The following ATRNL1 variants were observed in gnomAD, a reference collection of about 807,000 sequenced individuals.
The protein encoded by ATRNL1 is attractin like 1.
ATRNL1 carries 95 observed loss-of-function variants against 182.7 expected under a neutral mutation model. The observed-to-expected ratio is 0.52, with a 90% CI of 0.44 to 0.62. The LOEUF (loss-of-function observed/expected upper bound fraction) is 0.62. Ranked by LOEUF, ATRNL1 falls within the 20% of genes least tolerant of loss-of-function variation. The probability of loss-of-function intolerance (pLI) is 0.00; values close to 1 mark genes in which losing one functional copy is unlikely to be tolerated. For missense variants in ATRNL1, 1,471 were observed against 1,679.5 expected (o/e 0.88, Z 2.17); for synonymous variants, 576 against 568.3 (o/e 1.01, Z -0.19).
At chr10:115,710,488 G>A (rs1947031405) in intron 26 of ATRNL1, among the ~76,000 whole-genome samples, 1 of 152,108 alleles carries the variant, frequency 6.6e-6, no homozygotes, top group African/African-American at 2.4e-5. Context: ...TCAAGATAGA[G>A]TAATTATAGG....
At chr10:115,426,186 A>G (rs374155758) in intron 20 of ATRNL1, 64 bp from the exon 21 acceptor site, 1 of 1,355,064 alleles carries the variant, frequency 7.4e-7, no homozygotes, top group Admixed American at 1.8e-5. Context: ...TTTTTGCTTG[A>G]AGAAAAACAT....
intron 21 of ATRNL1, among the ~76,000 whole-genome samples, chr10:115,440,655 A>G (rs1391634285): frequency 6.6e-6 from 1 of 151,836 alleles, no homozygotes; most frequent in East Asian, 1.9e-4. Flanking sequence ...CTTAGCTAAA[A>G]CTGCATATTT....
chr10:115,187,678 T>G (rs1408172194), intron 8 of ATRNL1, among the ~76,000 whole-genome samples: 5 of 149,710 alleles, frequency 3.3e-5, no homozygotes, highest in South Asian at 2.1e-4. Flanking sequence ...TGGTTTTTTT[T>G]TTTTTTTTTT....
At chr10:115,930,372 G>T (rs114867729) in intron 28 of ATRNL1, among the ~76,000 whole-genome samples, 1 of 152,030 alleles carries the variant, frequency 6.6e-6, no homozygotes, top group Non-Finnish European at 1.5e-5. Context: ...GCCTCAGAAC[G>T]TGTCATACAT....
intron 26 of ATRNL1, among the ~76,000 whole-genome samples, chr10:115,598,520 C>T (rs1257929174): frequency 2.0e-5 from 3 of 151,720 alleles, no homozygotes; most frequent in Admixed American, 1.3e-4. Context: ...CACACCACCA[C>T]GCCTGGCTAA....
chr10:115,706,566 A>G (rs1946906190), intron 26 of ATRNL1, among the ~76,000 whole-genome samples: 1 of 151,828 alleles, frequency 6.6e-6, no homozygotes, highest in Non-Finnish European at 1.5e-5. Context: ...AATTTCCCCC[A>G]TGAATTTATT....
chr10:115,665,355 G>A (rs1268888546), intron 26 of ATRNL1, among the ~76,000 whole-genome samples: 1 of 152,092 alleles, frequency 6.6e-6, no homozygotes, highest in Non-Finnish European at 1.5e-5. Flanking sequence ...GCTTAACCCA[G>A]TATAATCCAA....
In ATRNL1 at chr10:115,720,118, C is replaced by T. The variant is rs1947377316; in HGVS notation, c.3796-7130C>T. Among the ~76,000 whole-genome samples the T allele has an allele frequency of 2.0e-5, 3 of 152,126 alleles. No homozygotes were observed. In the South Asian group the frequency reaches 6.2e-4, roughly 32 times the overall value. ...CCTCAGGTGATCTGCCCGCCTTGGC[C>T]TCCCAAAGTGCTGGGATTATAGGTG... On this transcript the variant is annotated intron_variant, in intron 26 of 28. Transcript: ENST00000355044.
At chr10:115,187,771 T>C (rs1418989374) in intron 8 of ATRNL1, among the ~76,000 whole-genome samples, 1 of 149,480 alleles carries the variant, frequency 6.7e-6, no homozygotes, top group Non-Finnish European at 1.5e-5. Flanking sequence ...AACCTCCACT[T>C]CCCGGGTTCA....
chr10:115,404,919 G>T (rs1844746487), intron 20 of ATRNL1, among the ~76,000 whole-genome samples: 2 of 150,612 alleles, frequency 1.3e-5, no homozygotes, highest in African/African-American at 4.9e-5. Context: ...TTCACATAAG[G>T]CATAAAAGTT....
chr10:115,517,056 G>C (rs781837856), intron 24 of ATRNL1, among the ~76,000 whole-genome samples: 11 of 151,932 alleles, frequency 7.2e-5, no homozygotes, highest in Non-Finnish European at 1.0e-4. Context: ...AGCTTGTTTA[G>C]TGACTATTTC....
chr10:115,598,473 C>T (rs1856402632), intron 26 of ATRNL1, among the ~76,000 whole-genome samples: 1 of 151,422 alleles, frequency 6.6e-6, no homozygotes, highest in Non-Finnish European at 1.5e-5. Flanking sequence ...AAGCAATTCT[C>T]CTGCCTCAGC....
At chr10:115,150,327 A>T in intron 5 of ATRNL1, among the ~76,000 whole-genome samples, 1 of 148,522 alleles carries the variant, frequency 6.7e-6, no homozygotes, top group African/African-American at 2.5e-5. Context: ...TTCCACCTCT[A>T]TTTCATTTAG....
chr10:115,156,805 C>T (rs114654129), intron 5 of ATRNL1, among the ~76,000 whole-genome samples: 2,220 of 152,042 alleles, frequency 0.015, 50 homozygotes, highest in African/African-American at 0.05. Context: ...GCATGAGATA[C>T]TAAAGTATGA....
intron 8 of ATRNL1, among the ~76,000 whole-genome samples, chr10:115,198,134 G>T (rs1554891488): frequency 6.6e-6 from 1 of 152,066 alleles, no homozygotes; most frequent in Non-Finnish European, 1.5e-5. Context: ...CACCAACAGG[G>T]TACAAGGATT....
intron 13 of ATRNL1, among the ~76,000 whole-genome samples, chr10:115,278,320 T>G (rs1852197056): frequency 6.6e-6 from 1 of 152,192 alleles, no homozygotes; most frequent in Admixed American, 6.5e-5. Context: ...AAAGAAAAAC[T>G]TGGGACAAAA....
intron 15 of ATRNL1, among the ~76,000 whole-genome samples, chr10:115,288,970 C>T (rs1413982056): frequency 2.0e-5 from 3 of 152,052 alleles, no homozygotes; most frequent in African/African-American, 7.3e-5. Context: ...ATATTTTCTC[C>T]TATTAGTCTG....
chr10:115,767,588 C>T (rs1404142314), intron 27 of ATRNL1, among the ~76,000 whole-genome samples: 2 of 152,070 alleles, frequency 1.3e-5, no homozygotes, highest in African/African-American at 2.4e-5. Context: ...TTTTTCTTTC[C>T]TTGCACCAGA....
intron 20 of ATRNL1, among the ~76,000 whole-genome samples, chr10:115,407,524 T>G (rs559991352): frequency 4.6e-5 from 7 of 152,284 alleles, no homozygotes; most frequent in African/African-American, 1.7e-4. Context: ...TCATGTAATG[T>G]CTTCCAGTTC....
Sources: gnomAD v4.1 joint callset for allele counts (sites outside exome capture counted in the v4.1 genomes callset) on GRCh38, gnomAD v4.1.1 for gene constraint, MANE v1.5 for transcripts, NCBI Gene and HGNC (gene_info 2026-07-23, HGNC 2026-07-21) for gene names.